The following PCSK5 variants were observed in gnomAD, a reference collection of about 807,000 sequenced individuals.
PCSK5 encodes the protein proprotein convertase subtilisin/kexin type 5.
Under a neutral mutation model 233.2 loss-of-function variants are expected in PCSK5, and 129 were observed. The observed-to-expected ratio is 0.55, with a 90% CI of 0.48 to 0.64. The LOEUF (loss-of-function observed/expected upper bound fraction) is 0.64, where lower values mean the gene tolerates loss of function less well. PCSK5 is among the 30% of genes least tolerant of loss of function. The pLI is 0.00. For missense variants in PCSK5, 2,076 were observed against 2,430.1 expected (o/e 0.85, Z 3.06); for synonymous variants, 825 against 879.2 (o/e 0.94, Z 1.09).
chr9:75,911,455 C>A (rs1822735563), intron 1 of PCSK5, among the ~76,000 whole-genome samples: 1 of 152,076 alleles, frequency 6.6e-6, no homozygotes, highest in Admixed American at 6.6e-5. Flanking sequence ...AGTGCCCACA[C>A]TATGCTGAGC....
At chr9:76,021,472 C>G (rs1319916354) in intron 3 of PCSK5, among the ~76,000 whole-genome samples, 1 of 151,960 alleles carries the variant, frequency 6.6e-6, no homozygotes, top group East Asian at 1.9e-4. Context: ...AAACTGAAGG[C>G]ACGAGGGAGA....
At chr9:75,974,016 T>A (rs139249562) in intron 2 of PCSK5, among the ~76,000 whole-genome samples, 1 of 152,320 alleles carries the variant, frequency 6.6e-6, no homozygotes, top group East Asian at 1.9e-4. Flanking sequence ...GATTCGCTGC[T>A]CCTGGGTCTT....
intron 7 of PCSK5, among the ~76,000 whole-genome samples, chr9:76,084,594 A>G (rs528762334): frequency 6.6e-6 from 1 of 152,290 alleles, no homozygotes; most frequent in East Asian, 1.9e-4. Context: ...CCTCCTCACA[A>G]GAGTGTTCTA....
chr9:76,096,160 C>T (rs1020004242), intron 8 of PCSK5, 58 bp downstream of exon 8: 1 of 1,077,224 alleles, frequency 9.3e-7, no homozygotes, highest in African/African-American at 1.6e-5. Flanking sequence ...CTTTGAAATA[C>T]AAAGGGAGAA....
rs1252059628 is a variant in PCSK5, at chr9:76,354,206, C to T, written c.5241C>T (p.Cys1747=). Residue 1747 remains cysteine, a synonymous_variant, in exon 37 of 38, where the codon TGC becomes TGT. Transcript: ENST00000674117. Reference sequence around the variant, plus strand: ...CCAGTGCCCAGGAGTGCTGTGACTGCCAGGACACCACGGGTGAGGGAAGAG... The same window carrying T: ...CCAGTGCCCAGGAGTGCTGTGACTGTCAGGACACCACGGGTGAGGGAAGAG... The part of the protein sequence containing the change: ...DPPSAQECCD[C]QDTTDECILR... The T allele has an allele frequency of 2.5e-6, 4 of 1,580,148 alleles. No individual in the cohort carries two copies. In the South Asian group the frequency reaches 4.7e-5, roughly 18 times the overall value.
intron 7 of PCSK5, among the ~76,000 whole-genome samples, chr9:76,075,993 A>T (rs911739667): frequency 6.6e-6 from 1 of 152,160 alleles, no homozygotes; most frequent in African/African-American, 2.4e-5. Flanking sequence ...AGCTCAGGGT[A>T]AGTGTATGAA....
chr9:75,991,927 A>C (rs944851983), intron 3 of PCSK5, among the ~76,000 whole-genome samples: 1 of 151,950 alleles, frequency 6.6e-6, no homozygotes, highest in Non-Finnish European at 1.5e-5. Flanking sequence ...CTCTAAAAAA[A>C]TGTAAAATAA....
intron 21 of PCSK5, 135 bp from the exon 22 acceptor site, chr9:76,233,325 C>T: frequency 1.2e-6 from 1 of 830,806 alleles, no homozygotes; most frequent in Non-Finnish European, 1.9e-6. Context: ...AAGATGATCA[C>T]TCCCAGGCAT....
rs1159888029 is a variant in PCSK5 at position 76,169,849 on chromosome 9, T to G, written c.1756+9T>G. On this transcript the variant is annotated intron_variant, in intron 13 of 37. Transcript: ENST00000674117. ...GAACTTTAAGACTCCAGGTGAGAAC[T>G]CCCTTTCTATACATTGTTCTACTGT... 2 of 1,610,736 alleles carry G rather than the reference T, an allele frequency of 1.2e-6. No individual in the cohort carries two copies. The highest frequency in any genetic ancestry group is 3.3e-4 in the Middle Eastern group (2 of 6,054).
chr9:76,180,412 C>T (rs887630770), intron 15 of PCSK5, among the ~76,000 whole-genome samples: 1 of 152,124 alleles, frequency 6.6e-6, no homozygotes, highest in African/African-American at 2.4e-5. Context: ...CCACATTTTC[C>T]AGCACATAGG....
At chr9:76,276,835 C>T (rs1827703931) in intron 24 of PCSK5, among the ~76,000 whole-genome samples, 1 of 152,178 alleles carries the variant, frequency 6.6e-6, no homozygotes, top group Admixed American at 6.5e-5. Context: ...ACTGGAGATA[C>T]AGGAAAACAA....
chr9:75,971,793 A>C (rs1049635644), intron 2 of PCSK5, among the ~76,000 whole-genome samples: 1 of 151,108 alleles, frequency 6.6e-6, no homozygotes, highest in African/African-American at 2.4e-5. Context: ...TTTTCTTGTA[A>C]ATTTAAGTTC....
At chr9:76,124,930 T>C (rs79498118) in intron 9 of PCSK5, among the ~76,000 whole-genome samples, 3,039 of 152,174 alleles carry the variant, frequency 0.02, 107 homozygotes, top group African/African-American at 0.068. Context: ...GTTTGCTTTA[T>C]TGCTTGGTTG....
chr9:76,163,921 A>G (rs945126633), intron 12 of PCSK5, among the ~76,000 whole-genome samples: 10 of 125,070 alleles, frequency 8.0e-5, no homozygotes, highest in Non-Finnish European at 1.6e-4. Context: ...GCTTAGATGT[A>G]CTGGCCCTCT....
chr9:76,049,554 A>G (rs1016648021), intron 5 of PCSK5, among the ~76,000 whole-genome samples: 3 of 152,238 alleles, frequency 2.0e-5, no homozygotes, highest in Non-Finnish European at 4.4e-5. Flanking sequence ...TCTCTACTTC[A>G]GCACTCCCTG....
chr9:76,204,268 T>C (rs1825025129), intron 20 of PCSK5, among the ~76,000 whole-genome samples: 1 of 152,150 alleles, frequency 6.6e-6, no homozygotes, highest in Non-Finnish European at 1.5e-5. Context: ...GAATCTTCTC[T>C]AGTTCCGCAA....
At chr9:76,150,055 T>G (rs1823602607) in intron 10 of PCSK5, among the ~76,000 whole-genome samples, 1 of 152,214 alleles carries the variant, frequency 6.6e-6, no homozygotes, top group Non-Finnish European at 1.5e-5. Flanking sequence ...AACATTATAT[T>G]CCTATATGTG....
intron 3 of PCSK5, among the ~76,000 whole-genome samples, chr9:75,989,040 T>C (rs1376034324): frequency 6.6e-6 from 1 of 152,178 alleles, no homozygotes; most frequent in African/African-American, 2.4e-5. Context: ...ACTTCACAGA[T>C]TCCTGTTAAA....
At chr9:76,285,390 T>C (rs1587835455) in intron 24 of PCSK5, among the ~76,000 whole-genome samples, 1 of 152,258 alleles carries the variant, frequency 6.6e-6, no homozygotes. Flanking sequence ...GGAAGGAACC[T>C]AAGGAGTCTA....
Sources: allele counts gnomAD v4.1 joint callset (sites outside exome capture counted in the v4.1 genomes callset), GRCh38; gene constraint gnomAD v4.1.1; transcripts MANE v1.5; gene names NCBI Gene and HGNC (gene_info 2026-07-23, HGNC 2026-07-21).